The following CBL variants were observed in gnomAD, a reference collection of about 807,000 sequenced individuals.
CBL encodes Cbl proto-oncogene.
CBL carries 45 observed loss-of-function variants against 96.9 expected under a neutral mutation model. The observed-to-expected ratio is 0.46, with a 90% CI of 0.37 to 0.60. CBL has a LOEUF of 0.60. Among genes scored for constraint, CBL ranks in the 20% least tolerant of loss-of-function variants. CBL has a pLI of 0.00. For missense variants in CBL, 1,024 were observed against 1,143.5 expected, an observed-to-expected ratio of 0.90 and a Z score of 1.51; for synonymous variants, 420 against 426.8, an observed-to-expected ratio of 0.98 and a Z score of 0.20.
In CBL at chr11:119,299,580, T is replaced by C. The variant is rs112330156; in HGVS notation, c.2520T>C (p.Cys840=). 6.2e-7 allele frequency: 1 copy of C among 1,614,198 alleles called. No individual in the cohort carries two copies. The highest frequency in any genetic ancestry group is 8.5e-7 in the Non-Finnish European group (1 of 1,180,030). The stretch of plus-strand genomic sequence containing the variant: ...ACTCTGAACGGAAAGCTGGCAGCTG[T>C]CAGCAAGGTAGTGGTCCTGCCGCCT... ...RINSERKAGS[C]QQGSGPAASA... The change falls in exon 16 of 16, where the codon TGT becomes TGC. Residue 840 remains cysteine (C), a synonymous_variant. Transcript: ENST00000264033.
intron 9 of CBL, among the ~76,000 whole-genome samples, chr11:119,279,569 T>C (rs1383985887): frequency 6.6e-6 from 1 of 152,060 alleles, no homozygotes; most frequent in East Asian, 1.9e-4. Flanking sequence ...GGAGGATTGC[T>C]TGATCCCAGG....
In CBL at chr11:119,300,143, C is replaced by A; in HGVS notation, c.*362C>A. On this transcript the variant is annotated 3_prime_UTR_variant, in exon 16 of 16. Transcript: ENST00000264033. ...AGACTTCCTGGGTTAAGGATGTGGC[C>A]GTGTGTGTGTGTGTCTGCCTGTGGT... 2.0e-6 allele frequency: 1 copy of A among 491,676 alleles called. No homozygotes were observed. The highest frequency in any genetic ancestry group is 3.6e-6 in the Non-Finnish European group (1 of 277,350). The allele number at this position is 491,676 out of a possible 1,614,324, so 30.5% of individuals were successfully genotyped here.
chr11:119,210,202 A>G (rs530890364), intron 1 of CBL, among the ~76,000 whole-genome samples: 1 of 152,246 alleles, frequency 6.6e-6, no homozygotes, highest in Admixed American at 6.5e-5. Flanking sequence ...AGCCTGGGCA[A>G]CATGACGAAA....
intron 2 of CBL, among the ~76,000 whole-genome samples, chr11:119,239,456 A>G (rs1405605049): frequency 2.0e-5 from 3 of 152,162 alleles, no homozygotes; most frequent in East Asian, 3.9e-4. Context: ...GTACTCCACA[A>G]CTTTGCAGAA....
In CBL at chr11:119,301,228, A is replaced by G. The variant is rs148077385; in HGVS notation, c.*1447A>G. 998 of 233,246 alleles carry G rather than the reference A, an allele frequency of 4.3e-3. 10 individuals are homozygous for G. The highest frequency in any genetic ancestry group is 0.017 in the South Asian group (93 of 5,522). The allele number at this position is 233,246 out of a possible 1,614,324, so 14.4% of individuals were successfully genotyped here. A position where few individuals can be genotyped will look rare whatever the true frequency, so the allele number is the denominator to read the frequency against. On this transcript the variant is annotated 3_prime_UTR_variant, in exon 16 of 16. Coordinates refer to ENST00000264033, the MANE Select transcript of CBL (RefSeq NM_005188.4). ...TCTTCACGGTAATTAGACATCATTCAGTGAATAAATTACTGTAGTCAAAGA... is the reference window on the plus strand; with the variant it reads ...TCTTCACGGTAATTAGACATCATTCGGTGAATAAATTACTGTAGTCAAAGA...
intron 1 of CBL, among the ~76,000 whole-genome samples, chr11:119,228,944 G>A (rs1949480730): frequency 6.6e-6 from 1 of 151,936 alleles, no homozygotes; most frequent in Admixed American, 6.6e-5. Flanking sequence ...CCAAGTAGCC[G>A]GGATTACAGG....
chr11:119,221,766 C>CAAAA (rs199581991), intron 1 of CBL, among the ~76,000 whole-genome samples: 2 of 61,954 alleles, frequency 3.2e-5, no homozygotes, highest in Non-Finnish European at 6.7e-5. Context: ...GACTCCGTCT[C>CAAAA]AAAAAAAAAA....
intron 9 of CBL, 129 bp downstream of exon 9, chr11:119,278,842 A>G: frequency 2.1e-5 from 16 of 762,232 alleles, no homozygotes; most frequent in South Asian, 1.0e-4. Context: ...AGCATTTACT[A>G]TATGACAGAT....
In CBL at chr11:119,232,467, A is replaced by T; in HGVS notation, c.215A>T (p.Asn72Ile). 2 of 1,613,968 alleles carry T rather than the reference A, an allele frequency of 1.2e-6. No individual in the cohort carries two copies. The highest frequency in any genetic ancestry group is 1.7e-6 in the Non-Finnish European group (2 of 1,180,010). ...TTGCAGGTGGTGCGGTTGTGTCAGA[A>T]CCCAAAGCTGGCGCTAAAGAATAGC... The part of the protein sequence containing the change: ...LMDKVVRLCQ[N>I]PKLALKNSPP... Residue 72 changes from asparagine (N) to isoleucine (I), a missense_variant, in exon 2 of 16, where the codon AAC (asparagine) becomes ATC (isoleucine). Physicochemically the swap from Asn to Ile is moderately radical, Grantham distance 149. This residue lies in a region of CBL where 114 missense variants were observed against 117.4 expected (regional missense o/e 0.97). Transcript: ENST00000264033.
At position 119,306,407 on chromosome 11, in the gene CBL, C is replaced by T. The variant is rs1172040568; in HGVS notation, c.*6626C>T. 4 of 398,504 alleles carry T rather than the reference C, an allele frequency of 1.0e-5. No individual in the cohort carries two copies. Among genetic ancestry groups the T allele is most frequent in the African/African-American group, 2.1e-5 (1 of 48,450 alleles). The allele number at this position is 398,504 out of a possible 1,614,324, so 24.7% of individuals were successfully genotyped here. A position where few individuals can be genotyped will look rare whatever the true frequency, so the allele number is the denominator to read the frequency against. Reference sequence around the variant, plus strand: ...TCAGGCCCCGCCCCCTCCCCACCAACATTGCCTCTCCTACATTCTCCTTCT... The same window carrying T: ...TCAGGCCCCGCCCCCTCCCCACCAATATTGCCTCTCCTACATTCTCCTTCT... On this transcript the variant is annotated 3_prime_UTR_variant, in exon 16 of 16. Transcript: ENST00000264033.
chr11:119,241,393 A>G (rs538642827), intron 2 of CBL, among the ~76,000 whole-genome samples: 15 of 152,334 alleles, frequency 9.8e-5, no homozygotes, highest in African/African-American at 3.6e-4. Flanking sequence ...AAGCTTTTCT[A>G]ATGTAATTCT....
intron 6 of CBL, 40 bp downstream of exon 6, chr11:119,276,174 C>T (rs748704451): frequency 6.2e-7 from 1 of 1,607,590 alleles, no homozygotes; most frequent in South Asian, 1.1e-5. Context: ...AGTCTGGGAA[C>T]TTAGGGGCTG....
At chr11:119,211,402 G>A (rs1433562930) in intron 1 of CBL, among the ~76,000 whole-genome samples, 2 of 152,022 alleles carry the variant, frequency 1.3e-5, no homozygotes, top group Non-Finnish European at 2.9e-5. Context: ...CTTATTGTAT[G>A]GTACTGCAGG....
intron 2 of CBL, among the ~76,000 whole-genome samples, chr11:119,251,637 A>G (rs1685556983): frequency 1.3e-5 from 2 of 152,246 alleles, no homozygotes; most frequent in Admixed American, 6.5e-5. Context: ...ATATGTTCAC[A>G]TAACGAGAGT....
chr11:119,252,023 A>G (rs907934671), intron 2 of CBL, among the ~76,000 whole-genome samples: 2 of 152,204 alleles, frequency 1.3e-5, no homozygotes, highest in Non-Finnish European at 2.9e-5. Flanking sequence ...GCAGCATTGT[A>G]AACTTCAATC....
chr11:119,286,106 C>G (rs1462498411), intron 11 of CBL, among the ~76,000 whole-genome samples: 1 of 152,050 alleles, frequency 6.6e-6, no homozygotes, highest in Admixed American at 6.6e-5. Context: ...TGAGACCACC[C>G]TGGCTAACAT....
At chr11:119,261,511 T>G (rs1378201605) in intron 2 of CBL, among the ~76,000 whole-genome samples, 1 of 152,218 alleles carries the variant, frequency 6.6e-6, no homozygotes, top group Non-Finnish European at 1.5e-5. Flanking sequence ...TTAAGTTGAT[T>G]GCATTAGCTT....
intron 2 of CBL, 124 bp from the exon 3 acceptor site, chr11:119,271,611 G>C: frequency 2.3e-6 from 2 of 852,242 alleles, no homozygotes; most frequent in Non-Finnish European, 3.8e-6. Context: ...AAGAATATTT[G>C]AAGAGGTTCT....
At chr11:119,270,374 T>C (rs1949834543) in intron 2 of CBL, among the ~76,000 whole-genome samples, 1 of 140,446 alleles carries the variant, frequency 7.1e-6, no homozygotes. Flanking sequence ...CTCTCCCAAG[T>C]AGCTGAGGTT....
Sources: allele counts gnomAD v4.1 joint callset (sites outside exome capture counted in the v4.1 genomes callset), GRCh38; gene constraint gnomAD v4.1.1; regional missense constraint gnomAD v4.1.1; transcripts MANE v1.5; gene names NCBI Gene and HGNC (gene_info 2026-07-23, HGNC 2026-07-21).